Variants in LRRTM4 observed in about 807,000 individuals in gnomAD.
The protein encoded by LRRTM4 is leucine-rich repeat transmembrane neuronal protein 4.
LRRTM4 carries 25 observed loss-of-function variants against 47.6 expected under a neutral mutation model. That is an observed-to-expected ratio of 0.53 (90% CI 0.38 to 0.73). The LOEUF is 0.73. Ranked by LOEUF, LRRTM4 falls within the 30% of genes least tolerant of loss-of-function variation. LRRTM4 has a pLI of 0.00. For synonymous variants in LRRTM4, 311 were observed against 269.5 expected (o/e 1.15, Z -1.51); for missense variants, 638 against 713.4 (o/e 0.89, Z 1.20).
chr2:77,222,489 A>C (rs1480762748), intron 3 of LRRTM4, among the ~76,000 whole-genome samples: 1 of 152,212 alleles, frequency 6.6e-6, no homozygotes, highest in Admixed American at 6.5e-5. Flanking sequence ...AAGAGAGAAG[A>C]ATCAATTAGA....
At chr2:77,212,883 A>T (rs572905346) in intron 3 of LRRTM4, among the ~76,000 whole-genome samples, 24 of 152,132 alleles carry the variant, frequency 1.6e-4, no homozygotes, top group Non-Finnish European at 3.1e-4. Flanking sequence ...AGGAGAAATG[A>T]AACATTTTAG....
intron 3 of LRRTM4, among the ~76,000 whole-genome samples, chr2:77,148,977 G>C (rs560210457): frequency 6.6e-6 from 1 of 152,190 alleles, no homozygotes; most frequent in Admixed American, 6.5e-5. Flanking sequence ...CCTTAGTTAT[G>C]TAAATAGAAA....
At chr2:76,772,932 T>G (rs1211134368) in intron 3 of LRRTM4, 4 of 152,180 alleles carry the variant, frequency 2.6e-5, no homozygotes, top group African/African-American at 7.2e-5. Flanking sequence ...TCACCCTGTA[T>G]GCGCCTGATC....
At chr2:77,508,882 T>C (rs2104097774) in intron 3 of LRRTM4, among the ~76,000 whole-genome samples, 1 of 152,214 alleles carries the variant, frequency 6.6e-6, no homozygotes, top group Non-Finnish European at 1.5e-5. Context: ...ATTTAATGTA[T>C]TGTTGAAAAC....
intron 3 of LRRTM4, among the ~76,000 whole-genome samples, chr2:77,290,684 T>G (rs1676798794): frequency 6.6e-6 from 1 of 152,006 alleles, no homozygotes; most frequent in African/African-American, 2.4e-5. Flanking sequence ...TTATTCAGTA[T>G]CTGTAATAAT....
intron 3 of LRRTM4, among the ~76,000 whole-genome samples, chr2:77,019,367 T>C (rs1285915758): frequency 6.6e-6 from 1 of 151,906 alleles, no homozygotes; most frequent in Non-Finnish European, 1.5e-5. Context: ...GTATGCAACA[T>C]TGTGTAGTAT....
chr2:77,415,555 G>T (rs567072807), intron 3 of LRRTM4, among the ~76,000 whole-genome samples: 36 of 152,112 alleles, frequency 2.4e-4, no homozygotes, highest in Non-Finnish European at 4.7e-4. Flanking sequence ...GGACTCTATG[G>T]AAACTTTTGC....
At chr2:77,416,017 T>G (rs1573383706) in intron 3 of LRRTM4, among the ~76,000 whole-genome samples, 1 of 152,252 alleles carries the variant, frequency 6.6e-6, no homozygotes, top group African/African-American at 2.4e-5. Context: ...GGCTAATATT[T>G]CCCTTAATTT....
chr2:77,448,983 C>T (rs1279204108), intron 3 of LRRTM4, among the ~76,000 whole-genome samples: 1 of 152,066 alleles, frequency 6.6e-6, no homozygotes, highest in Non-Finnish European at 1.5e-5. Context: ...ATAGGTATAT[C>T]AGAAGTATTT....
chr2:77,272,228 T>C (rs1392076532), intron 3 of LRRTM4, among the ~76,000 whole-genome samples: 1 of 152,218 alleles, frequency 6.6e-6, no homozygotes, highest in Non-Finnish European at 1.5e-5. Flanking sequence ...CCTTGCCATT[T>C]GTGACTTTTA....
intron 3 of LRRTM4, among the ~76,000 whole-genome samples, chr2:77,197,671 T>G (rs895270572): frequency 6.6e-6 from 1 of 152,202 alleles, no homozygotes; most frequent in Non-Finnish European, 1.5e-5. Flanking sequence ...ATTTTTATGA[T>G]TTTGCAACCT....
intron 3 of LRRTM4, among the ~76,000 whole-genome samples, chr2:77,175,387 C>A (rs760172375): frequency 2.0e-5 from 3 of 152,054 alleles, no homozygotes; most frequent in Non-Finnish European, 4.4e-5. Context: ...TACCCTGACG[C>A]ACCATAATCT....
At chr2:77,345,290 T>C (rs1424071509) in intron 3 of LRRTM4, among the ~76,000 whole-genome samples, 1 of 151,804 alleles carries the variant, frequency 6.6e-6, no homozygotes, top group African/African-American at 2.4e-5. Context: ...ATTTTTAAAA[T>C]TGGTAAACGG....
intron 3 of LRRTM4, among the ~76,000 whole-genome samples, chr2:76,779,900 C>T (rs569404026): frequency 2.3e-4 from 35 of 151,856 alleles, no homozygotes; most frequent in African/African-American, 3.1e-4. Context: ...CGGCTGGTAC[C>T]GGTTGTTCCT....
chr2:77,241,557 A>G (rs1437319329), intron 3 of LRRTM4, among the ~76,000 whole-genome samples: 2 of 152,102 alleles, frequency 1.3e-5, no homozygotes, highest in Admixed American at 6.6e-5. Context: ...AAAATGCAAT[A>G]AACACATAAC....
chr2:77,258,542 T>A (rs1007234920), intron 3 of LRRTM4, among the ~76,000 whole-genome samples: 3 of 152,048 alleles, frequency 2.0e-5, no homozygotes, highest in Non-Finnish European at 4.4e-5. Flanking sequence ...GAACTCCCTG[T>A]ACTATCTTTA....
intron 3 of LRRTM4, among the ~76,000 whole-genome samples, chr2:77,507,114 A>ATTCATTTAC (rs1157505340): frequency 4.6e-5 from 7 of 152,052 alleles, no homozygotes; most frequent in Non-Finnish European, 7.4e-5. Flanking sequence ...CTTAAAAAGC[A>ATTCATTTAC]TTCATTTACT....
intron 3 of LRRTM4, among the ~76,000 whole-genome samples, chr2:77,080,031 T>C (rs1388787515): frequency 6.6e-6 from 1 of 152,168 alleles, no homozygotes; most frequent in East Asian, 1.9e-4. Flanking sequence ...TTTATTTTCA[T>C]TCTCTCTAAA....
At chr2:76,778,556 T>C (rs1322805188) in intron 3 of LRRTM4, among the ~76,000 whole-genome samples, 40 of 151,996 alleles carry the variant, frequency 2.6e-4, no homozygotes, top group Admixed American at 2.5e-3. Context: ...GTAGAGGTGT[T>C]TGTAGTATTC....
Sources: gnomAD v4.1 joint callset for allele counts (sites outside exome capture counted in the v4.1 genomes callset) on GRCh38, gnomAD v4.1.1 for gene constraint, MANE v1.5 for transcripts, NCBI Gene and HGNC (gene_info 2026-07-23, HGNC 2026-07-21) for gene names.